The following IFNB1 variants were observed in gnomAD, a reference collection of about 807,000 sequenced individuals.
The protein encoded by IFNB1 is interferon beta.
For synonymous variants in IFNB1, 99 were observed against 80.4 expected (o/e 1.23, Z -1.24); for missense variants, 267 against 210.5 (o/e 1.27, Z -1.66).
In IFNB1 at chr9:21,077,871, T is replaced by C. The variant is rs369041139; in HGVS notation, c.-2A>G. On this transcript the variant is annotated 5_prime_UTR_variant, in exon 1 of 1. Coordinates refer to ENST00000380232, the MANE Select transcript of IFNB1 (RefSeq NM_002176.4). The stretch of plus-strand genomic sequence containing the variant: ...TTGGAGGAGACACTTGTTGGTCATG[T>C]TGACAACACGAACAGTGTCGCCTAC... The C allele has an allele frequency of 1.1e-5, 18 of 1,609,174 alleles. No individual in the cohort carries two copies. The African/African-American group carries it at 1.9e-4, about 17-fold the overall frequency.
chr9:21,077,874 A>G lies in IFNB1; in HGVS notation c.-5T>C, dbSNP rs1818745621. 6.2e-7 allele frequency: 1 copy of G among 1,606,372 alleles called. No individual in the cohort carries two copies. Among genetic ancestry groups the G allele is most frequent in the Non-Finnish European group, 8.5e-7 (1 of 1,175,896 alleles). The stretch of plus-strand genomic sequence containing the variant: ...GAGGAGACACTTGTTGGTCATGTTG[A>G]CAACACGAACAGTGTCGCCTACTAC... On this transcript the variant is annotated 5_prime_UTR_variant, in exon 1 of 1. Coordinates refer to ENST00000380232, the MANE Select transcript of IFNB1 (RefSeq NM_002176.4).
In IFNB1 at chr9:21,077,632, T is replaced by C; in HGVS notation, c.238A>G (p.Ile80Val). 6.2e-7 allele frequency: 1 copy of C among 1,614,000 alleles called. No individual in the cohort carries two copies. Residue 80 changes from isoleucine (I) to valine (V), a missense_variant, in exon 1 of 1, where the codon ATC becomes GTC. Ile to Val is a conservative substitution (Grantham distance 29). Transcript: ENST00000380232. Reference sequence around the variant, plus strand: ...AAGATGTTCTGGAGCATCTCATAGATGGTCAATGCGGCGTCCTCCTTCTGG... The same window carrying C: ...AAGATGTTCTGGAGCATCTCATAGACGGTCAATGCGGCGTCCTCCTTCTGG... The part of the protein sequence containing the change: ...QFQKEDAALT[I>V]YEMLQNIFAI...
chr9:21,077,833 AC>A, the IFNB1 span: 1 of 1,613,428 alleles, frequency 6.2e-7, no homozygotes, highest in South Asian at 1.1e-5. Flanking sequence ...GAGAAGCACA[AC>A]AGGAGAGCAA....
chr9:21,077,501 C>T lies in IFNB1; in HGVS notation c.369G>A (p.Leu123=). Residue 123 remains leucine, a synonymous_variant, in exon 1 of 1, where the codon CTG becomes CTA. Coordinates refer to ENST00000380232, the MANE Select transcript of IFNB1 (RefSeq NM_002176.4). ...YHQINHLKTV[L]EEKLEKEDFT... ...AATCTTCTTTCTCCAGTTTTTCTTC[C>T]AGGACTGTCTTCAGATGGTTTATCT... 1 of 1,613,972 alleles carries T rather than the reference C, an allele frequency of 6.2e-7. No individual in the cohort carries two copies. Among genetic ancestry groups the T allele is most frequent in the Middle Eastern group, 1.7e-4 (1 of 6,060 alleles).
Position 21,077,192 on chromosome 9 carries a change from T to C in IFNB1, c.*114A>G, listed in dbSNP as rs1394310133. ...ATAATTTAATAAAAATTTCAAAATC[T>C]TCTAGTGTCCTTTCATATGCAGTAC... On this transcript the variant is annotated 3_prime_UTR_variant, in exon 1 of 1. Transcript: ENST00000380232. The C allele has an allele frequency of 1.4e-5, 7 of 518,458 alleles. No individual in the cohort carries two copies. Among genetic ancestry groups the C allele is most frequent in the Non-Finnish European group, 2.4e-5 (7 of 291,848 alleles). The allele number at this position is 518,458 out of a possible 1,614,324, so 32.1% of individuals were successfully genotyped here.
In IFNB1 at chr9:21,077,383, C is replaced by G. The variant is rs1351287500; in HGVS notation, c.487G>C (p.Ala163Pro). The change falls in exon 1 of 1, where the codon GCC (alanine) becomes CCC (proline). Residue 163 changes from alanine to proline, a missense_variant. Coordinates refer to ENST00000380232, the MANE Select transcript of IFNB1 (RefSeq NM_002176.4). ...ATTTCCACTCTGACTATGGTCCAGG[C>G]ACAGTGACTGTACTCCTTGGCCTTC... Reference protein sequence around the residue: ...YLKAKEYSHCAWTIVRVEILR... With the variant: ...YLKAKEYSHCPWTIVRVEILR... The G allele has an allele frequency of 3.1e-6, 5 of 1,613,730 alleles. No homozygotes were observed. Among genetic ancestry groups the G allele is most frequent in the Non-Finnish European group, 4.2e-6 (5 of 1,179,678 alleles).
In IFNB1 at chr9:21,077,624, C is replaced by G. The variant is rs775516602; in HGVS notation, c.246G>C (p.Glu82Asp). 1.9e-6 allele frequency: 3 copies of G among 1,613,852 alleles called. No individual in the cohort carries two copies. Among genetic ancestry groups the G allele is most frequent in the East Asian group, 2.2e-5 (1 of 44,900 alleles). Residue 82 changes from glutamate to aspartate, a missense_variant, in exon 1 of 1, where the codon GAG (glutamate) becomes GAC (aspartate). Glu to Asp is a conservative substitution (Grantham distance 45). Transcript: ENST00000380232. ...QKEDAALTIY[E>D]MLQNIFAIFR... ...AAATAGCAAAGATGTTCTGGAGCAT[C>G]TCATAGATGGTCAATGCGGCGTCCT...
chr9:21,077,282 C>G lies in IFNB1; in HGVS notation c.*24G>C. 6.5e-7 allele frequency: 1 copy of G among 1,536,192 alleles called. No homozygotes were observed. Among genetic ancestry groups the G allele is most frequent in the South Asian group, 1.2e-5 (1 of 84,542 alleles). ...GAATGCTTGAAGCAATTGTCCAGTCCCAGAGGCACAGGCTAGGAGATCTTC... is the reference window on the plus strand; with the variant it reads ...GAATGCTTGAAGCAATTGTCCAGTCGCAGAGGCACAGGCTAGGAGATCTTC... On this transcript the variant is annotated 3_prime_UTR_variant, in exon 1 of 1. Coordinates refer to ENST00000380232, the MANE Select transcript of IFNB1 (RefSeq NM_002176.4).
Position 21,077,243 on chromosome 9 carries a change from A to G in IFNB1, c.*63T>C. 1 of 1,098,710 alleles carries G rather than the reference A, an allele frequency of 9.1e-7. No homozygotes were observed. Among genetic ancestry groups the G allele is most frequent in the Non-Finnish European group, 1.3e-6 (1 of 742,998 alleles). 68.1% of individuals were successfully genotyped at this position (1,098,710 alleles called of 1,614,324 possible). On this transcript the variant is annotated 3_prime_UTR_variant, in exon 1 of 1. Transcript: ENST00000380232. ...ATTAGCCATCAGTCACTTAAACAGC[A>G]TCTGCTGGTTGAAGAATGCTTGAAG...
rs1341466505 is a variant in IFNB1, at chr9:21,077,417, C to G, written c.453G>C (p.Leu151=). 1.2e-6 allele frequency: 2 copies of G among 1,613,592 alleles called. No individual in the cohort carries two copies. The highest frequency in any genetic ancestry group is 1.7e-6 in the Non-Finnish European group (2 of 1,179,554). The stretch of plus-strand genomic sequence containing the variant: ...TGTACTCCTTGGCCTTCAGGTAATG[C>G]AGAATCCTCCCATAATATCTTTTCA... ...LHLKRYYGRI[L]HYLKAKEYSH... is the part of the protein sequence containing the mutation. The change falls in exon 1 of 1, where the codon CTG becomes CTC. Residue 151 remains leucine, a synonymous_variant. Transcript: ENST00000380232.
Position 21,077,717 on chromosome 9 carries a change from G to A in IFNB1, c.153C>T (p.Tyr51=), listed in dbSNP as rs1051922. The A allele has an allele frequency of 0.34, 541,325 of 1,613,308 alleles. 92,102 individuals carry two copies. The highest frequency in any genetic ancestry group is 0.39 in the East Asian group (17,431 of 44,852). The change falls in exon 1 of 1, where the codon TAC becomes TAT. Residue 51 remains tyrosine, a synonymous_variant. Coordinates refer to ENST00000380232, the MANE Select transcript of IFNB1 (RefSeq NM_002176.4). The part of the protein sequence containing the change: ...LLWQLNGRLE[Y]CLKDRMNFDI... ...CAAAGTTCATCCTGTCCTTGAGGCA[G>A]TATTCAAGCCTCCCATTCAATTGCC...
In IFNB1 at chr9:21,077,881, G is replaced by T; in HGVS notation, c.-12C>A. On this transcript the variant is annotated 5_prime_UTR_variant, in exon 1 of 1. Transcript: ENST00000380232. Reference sequence around the variant, plus strand: ...CACTTGTTGGTCATGTTGACAACACGAACAGTGTCGCCTACTACCTGTTGT... The same window carrying T: ...CACTTGTTGGTCATGTTGACAACACTAACAGTGTCGCCTACTACCTGTTGT... The T allele has an allele frequency of 1.9e-6, 3 of 1,599,552 alleles. No individual in the cohort carries two copies. The South Asian group carries it at 3.4e-5, about 18-fold the overall frequency.
rs901323785 is a variant in IFNB1, at chr9:21,077,929, G to T, written c.-60C>A. On this transcript the variant is annotated 5_prime_UTR_variant, in exon 1 of 1. Coordinates refer to ENST00000380232, the MANE Select transcript of IFNB1 (RefSeq NM_002176.4). ...TGTGCCAGAGCAAAGGCTTCGAAAG[G>T]TTGCAGTTAGAATGTCCTTTCTCCA... 7.8e-6 allele frequency: 10 copies of T among 1,275,770 alleles called. No individual in the cohort carries two copies. Among genetic ancestry groups the T allele is most frequent in the Middle Eastern group, 2.4e-4 (1 of 4,246 alleles). 79.0% of individuals were successfully genotyped at this position (1,275,770 alleles called of 1,614,324 possible).
In IFNB1 at chr9:21,077,111, T is replaced by C. The variant is rs1818727688; in HGVS notation, c.*195A>G. On this transcript the variant is annotated 3_prime_UTR_variant, in exon 1 of 1. Coordinates refer to ENST00000380232, the MANE Select transcript of IFNB1 (RefSeq NM_002176.4). ...GAAATTAAAACTGCCATGTTGACTT[T>C]TGCACCAAAAATAATTTATTTTCCA... 8.3e-6 allele frequency: 3 copies of C among 361,696 alleles called. No individual in the cohort carries two copies. The highest frequency in any genetic ancestry group is 1.4e-4 in the South Asian group (2 of 14,156). 22.4% of individuals were successfully genotyped at this position (361,696 alleles called of 1,614,324 possible). A position where few individuals can be genotyped will look rare whatever the true frequency, so the allele number is the denominator to read the frequency against.
Position 21,077,589 on chromosome 9 carries a change from T to A in IFNB1, c.281A>T (p.Asp94Val). 6.2e-7 allele frequency: 1 copy of A among 1,614,000 alleles called. No homozygotes were observed. The highest frequency in any genetic ancestry group is 1.1e-5 in the South Asian group (1 of 91,082). Residue 94 changes from aspartate (D) to valine (V), a missense_variant, in exon 1 of 1, where the codon GAT (aspartate) becomes GTT (valine). Asp to Val is a radical substitution (Grantham distance 152). Coordinates refer to ENST00000380232, the MANE Select transcript of IFNB1 (RefSeq NM_002176.4). ...LQNIFAIFRQ[D>V]SSSTGWNETI... The stretch of plus-strand genomic sequence containing the variant: ...CTCATTCCAGCCAGTGCTAGATGAA[T>A]CTTGTCTGAAAATAGCAAAGATGTT...
Position 21,077,112 on chromosome 9 carries a change from T to G in IFNB1, c.*194A>C. 1 of 363,640 alleles carries G rather than the reference T, an allele frequency of 2.7e-6. No homozygotes were observed. Among genetic ancestry groups the G allele is most frequent in the Non-Finnish European group, 4.9e-6 (1 of 205,566 alleles). 22.5% of individuals were successfully genotyped at this position (363,640 alleles called of 1,614,324 possible). On this transcript the variant is annotated 3_prime_UTR_variant, in exon 1 of 1. Transcript: ENST00000380232. Reference sequence around the variant, plus strand: ...AAATTAAAACTGCCATGTTGACTTTTGCACCAAAAATAATTTATTTTCCAA... The same window carrying G: ...AAATTAAAACTGCCATGTTGACTTTGGCACCAAAAATAATTTATTTTCCAA...
chr9:21,077,373 A>G lies in IFNB1; in HGVS notation c.497T>C (p.Ile166Thr), dbSNP rs1477378129. 8.1e-6 allele frequency: 13 copies of G among 1,613,700 alleles called. No individual in the cohort carries two copies. The highest frequency in any genetic ancestry group is 1.3e-5 in the African/African-American group (1 of 75,014). ...AKEYSHCAWTIVRVEILRNFY... is the reference protein window; with the variant it reads ...AKEYSHCAWTTVRVEILRNFY... The stretch of plus-strand genomic sequence containing the variant: ...GTTCCTTAGGATTTCCACTCTGACT[A>G]TGGTCCAGGCACAGTGACTGTACTC... The change falls in exon 1 of 1, where the codon ATA becomes ACA. Residue 166 changes from isoleucine (I) to threonine (T), a missense_variant. Coordinates refer to ENST00000380232, the MANE Select transcript of IFNB1 (RefSeq NM_002176.4).
Position 21,077,788 on chromosome 9 carries a change from C to G in IFNB1, c.82G>C (p.Gly28Arg). 1 of 1,613,806 alleles carries G rather than the reference C, an allele frequency of 6.2e-7. No homozygotes were observed. The highest frequency in any genetic ancestry group is 1.1e-5 in the South Asian group (1 of 91,074). Residue 28 changes from glycine to arginine, a missense_variant, in exon 1 of 1, where the codon GGA becomes CGA. By Grantham distance (125) the Gly-to-Arg change is moderately radical (BLOSUM62 -2). Transcript: ENST00000380232. ...AAATTGCTGCTTCTTTGTAGGAATC[C>G]AAGCAAGTTGTAGCTCATGGAAAGA... is the stretch of plus-strand genomic sequence containing the variant. ...TALSMSYNLL[G>R]FLQRSSNFQC... is the part of the protein sequence containing the mutation.
rs777903072 is a variant in IFNB1 at position 21,077,483 on chromosome 9, T to C, written c.387A>G (p.Lys129=). 8.4e-5 allele frequency: 135 copies of C among 1,613,924 alleles called. No homozygotes were observed. Among genetic ancestry groups the C allele is most frequent in the Non-Finnish European group, 2.0e-5 (24 of 1,179,930 alleles). ...LKTVLEEKLE[K]EDFTRGKLMS... is the part of the protein sequence containing the mutation. ...TGAGTTTTCCCCTGGTGAAATCTTC[T>C]TTCTCCAGTTTTTCTTCCAGGACTG... The change falls in exon 1 of 1, where the codon AAA becomes AAG. Residue 129 remains lysine (K), a synonymous_variant. Transcript: ENST00000380232.
Sources: gnomAD v4.1 joint callset for allele counts on GRCh38, gnomAD v4.1.1 for gene constraint, MANE v1.5 for transcripts, NCBI Gene and HGNC (gene_info 2026-07-23, HGNC 2026-07-21) for gene names.